PCDH7: variants seen among roughly 807,000 people sequenced by gnomAD.
The protein encoded by PCDH7 is protocadherin-7.
Under a neutral mutation model 58.9 loss-of-function variants are expected in PCDH7, and 17 were observed. The observed-to-expected ratio is 0.29, with a 90% CI of 0.20 to 0.43. The LOEUF is 0.43. PCDH7 is among the 20% of genes least tolerant of loss of function. The pLI is 1.00. For missense variants in PCDH7, 1,274 were observed against 1,441.0 expected (o/e 0.88, Z 1.88); for synonymous variants, 664 against 616.4 (o/e 1.08, Z -1.14).
At chr4:30,731,245 T>C (rs1242395557) in exon 2 of PCDH7, 5 of 624,142 alleles carry the variant, frequency 8.0e-6, no homozygotes, top group South Asian at 7.1e-5. Context: ...ATCACAGGCC[T>C]GTCAGATAGT....
intron 3 of PCDH7, among the ~76,000 whole-genome samples, chr4:31,011,674 A>C (rs572776721): frequency 6.6e-6 from 1 of 152,188 alleles, no homozygotes; most frequent in African/African-American, 2.4e-5. Flanking sequence ...AATAAATAAT[A>C]AAGTACAATT....
At chr4:30,980,135 T>G (rs1210667570) in intron 3 of PCDH7, among the ~76,000 whole-genome samples, 1 of 152,206 alleles carries the variant, frequency 6.6e-6, no homozygotes. Context: ...TTAAGATGCT[T>G]CTTGCTTTAA....
rs568728343 is a variant in PCDH7, at chr4:30,797,032, C to G, written c.70+72436C>G. 1.3e-3 allele frequency among the ~76,000 whole-genome samples: 201 copies of G among 152,130 alleles called. 1 individual carries two copies. Among genetic ancestry groups the G allele is most frequent in the Non-Finnish European group, 2.4e-3 (164 of 68,006 alleles). On this transcript the variant is annotated intron_variant, in intron 1 of 3. Transcript: ENST00000509759. ...GTGGAGTGCAGTGGTGCGATCTCGG[C>G]TCACTGCAACCTCCGCCTCTCGGAC...
chr4:30,845,826 C>T (rs952591155), intron 1 of PCDH7, among the ~76,000 whole-genome samples: 4 of 152,128 alleles, frequency 2.6e-5, no homozygotes, highest in African/African-American at 9.7e-5. Context: ...CTCCTGACCT[C>T]AAGTGATCCT....
At chr4:30,858,223 G>A (rs1342058636) in intron 1 of PCDH7, among the ~76,000 whole-genome samples, 5 of 151,950 alleles carry the variant, frequency 3.3e-5, no homozygotes, top group South Asian at 4.1e-4. Context: ...TCTGATATAC[G>A]TTGAAAAAGT....
intron 3 of PCDH7, among the ~76,000 whole-genome samples, chr4:31,102,293 ACT>A (rs576341092): frequency 1.0e-3 from 152 of 152,314 alleles, no homozygotes; most frequent in South Asian, 2.1e-3. Flanking sequence ...AAAATTGGAA[ACT>A]GAAATACTTT....
intron 3 of PCDH7, among the ~76,000 whole-genome samples, chr4:30,958,883 A>G (rs1038892140): frequency 1.3e-5 from 2 of 152,112 alleles, no homozygotes; most frequent in Admixed American, 1.3e-4. Flanking sequence ...TGAACAAATA[A>G]AGCATAAAAG....
intron 3 of PCDH7, among the ~76,000 whole-genome samples, chr4:31,132,377 T>C (rs1032864475): frequency 2.0e-5 from 3 of 152,158 alleles, no homozygotes; most frequent in Non-Finnish European, 2.9e-5. Context: ...AAAGGTGATA[T>C]TCTTACAGTT....
At chr4:30,729,718 CT>C (rs375023241) in intron 1 of PCDH7, among the ~76,000 whole-genome samples, 16 of 151,976 alleles carry the variant, frequency 1.1e-4, no homozygotes, top group African/African-American at 2.9e-4. Context: ...CTTTTGACTT[CT>C]GGGCTTGTGT....
chr4:31,140,154 A>C (rs965234116), intron 3 of PCDH7, among the ~76,000 whole-genome samples: 1 of 152,226 alleles, frequency 6.6e-6, no homozygotes, highest in Non-Finnish European at 1.5e-5. Flanking sequence ...GTTTAGGTAC[A>C]CAAGTTAAAA....
chr4:31,083,973 T>G (rs2109273626), intron 3 of PCDH7, among the ~76,000 whole-genome samples: 1 of 152,376 alleles, frequency 6.6e-6, no homozygotes, highest in South Asian at 2.1e-4. Context: ...GAGAAATCCA[T>G]AATCATTTAT....
intron 1 of PCDH7, among the ~76,000 whole-genome samples, chr4:30,798,211 A>G (rs1353187409): frequency 6.6e-6 from 1 of 152,174 alleles, no homozygotes. Context: ...CTTGGGAGGA[A>G]TGGGAGTCAG....
intron 1 of PCDH7, among the ~76,000 whole-genome samples, chr4:30,765,127 T>TTTTTTTTTTTTTTG (rs1720576461): frequency 1.2e-5 from 1 of 80,130 alleles, no homozygotes; most frequent in African/African-American, 5.7e-5. Context: ...TTCAGATGCT[T>TTTTTTTTTTTTTTG]TTTTTTTTTT....
At chr4:31,120,768 T>C (rs774228606) in intron 3 of PCDH7, among the ~76,000 whole-genome samples, 9 of 152,162 alleles carry the variant, frequency 5.9e-5, no homozygotes, top group Non-Finnish European at 1.2e-4. Context: ...GGGGCCCTAG[T>C]TTAGCCAAAT....
chr4:30,935,342 A>G (rs955179254), intron 2 of PCDH7: 22 of 983,218 alleles, frequency 2.2e-5, no homozygotes, highest in Non-Finnish European at 6.0e-6. Flanking sequence ...TTTAGCTGTA[A>G]AGGTAAGTAG....
At chr4:31,129,505 TG>T (rs1718706496) in intron 3 of PCDH7, among the ~76,000 whole-genome samples, 1 of 152,174 alleles carries the variant, frequency 6.6e-6, no homozygotes, top group East Asian at 1.9e-4. Flanking sequence ...GGCTCTTTTG[TG>T]CTAAAATAAG....
chr4:30,866,583 A>G (rs1734909296), intron 1 of PCDH7, among the ~76,000 whole-genome samples: 1 of 151,958 alleles, frequency 6.6e-6, no homozygotes. Context: ...TCCAGGTTAC[A>G]TTACTGTGAA....
intron 3 of PCDH7, among the ~76,000 whole-genome samples, chr4:31,089,892 C>T (rs923568107): frequency 2.0e-5 from 3 of 152,066 alleles, no homozygotes; most frequent in African/African-American, 7.2e-5. Context: ...ACATTTCCGT[C>T]GAGTACATTT....
At chr4:30,802,932 G>T (rs1725714237) in intron 1 of PCDH7, among the ~76,000 whole-genome samples, 1 of 152,114 alleles carries the variant, frequency 6.6e-6, no homozygotes, top group Non-Finnish European at 1.5e-5. Context: ...GCAAACAGAT[G>T]GTAGGACTGA....
Sources: gnomAD v4.1 joint callset for allele counts (sites outside exome capture counted in the v4.1 genomes callset) on GRCh38, gnomAD v4.1.1 for gene constraint, MANE v1.5 for transcripts, NCBI Gene and HGNC (gene_info 2026-07-23, HGNC 2026-07-21) for gene names.